IGF1R: variants seen among roughly 807,000 people sequenced by gnomAD.
The protein encoded by IGF1R is insulin like growth factor 1 receptor, also known as insulin-like growth factor 1 receptor.
Under a neutral mutation model 144.6 loss-of-function variants are expected in IGF1R, and 44 were observed. The observed-to-expected ratio is 0.30, with a 90% CI of 0.24 to 0.39. IGF1R has a LOEUF of 0.39. Ranked by LOEUF, IGF1R falls within the 10% of genes least tolerant of loss-of-function variation. IGF1R has a pLI of 1.00. For synonymous variants in IGF1R, 795 were observed against 722.8 expected (o/e 1.10, Z -1.60); for missense variants, 1,355 against 1,833.7 (o/e 0.74, Z 4.77).
chr15:98,922,049 T>C, intron 10 of IGF1R, 99 bp from the exon 11 acceptor site: 1 of 1,349,494 alleles, frequency 7.4e-7, no homozygotes, highest in South Asian at 1.2e-5. Flanking sequence ...TAGCTCCTTC[T>C]ATTCCACGGT....
chr15:98,803,649 G>A (rs945831050), intron 2 of IGF1R, among the ~76,000 whole-genome samples: 5 of 151,964 alleles, frequency 3.3e-5, no homozygotes, highest in African/African-American at 4.8e-5. Flanking sequence ...GGGACTAGAC[G>A]CACACACCAC....
At position 98,961,720 on chromosome 15, in the gene IGF1R, T is replaced by A; in HGVS notation, c.*4278T>A. The A allele has an allele frequency of 4.3e-6, 1 of 233,692 alleles. No homozygotes were observed. Among genetic ancestry groups the A allele is most frequent in the Non-Finnish European group, 8.5e-6 (1 of 118,048 alleles). The allele number at this position is 233,692 out of a possible 1,614,324, so 14.5% of individuals were successfully genotyped here. On this transcript the variant is annotated 3_prime_UTR_variant, in exon 21 of 21. Coordinates refer to ENST00000650285, the MANE Select transcript of IGF1R (RefSeq NM_000875.5). ...TGAGGCAGCAGGAGCTGGTGTGTAC[T>A]GGAGACACTGTTGAACTTGATCAAG...
intron 1 of IGF1R, among the ~76,000 whole-genome samples, chr15:98,695,985 G>A (rs373166280): frequency 1.3e-5 from 2 of 149,718 alleles, no homozygotes; most frequent in East Asian, 2.0e-4. Flanking sequence ...CCCTTACTAA[G>A]TCTCCCTTAG....
At position 98,916,075 on chromosome 15, in the gene IGF1R, G is replaced by A. The variant is rs1429988490; in HGVS notation, c.1940G>A (p.Arg647His). The A allele has an allele frequency of 2.5e-6, 4 of 1,614,020 alleles. No individual in the cohort carries two copies. Among genetic ancestry groups the A allele is most frequent in the African/African-American group, 1.3e-5 (1 of 74,890 alleles). Reference protein sequence around the residue: ...PNGNLSYYIVRWQRQPQDGYL... With the variant: ...PNGNLSYYIVHWQRQPQDGYL... ...GGCAACCTGAGTTACTACATTGTGCGCTGGCAGCGGCAGCCTCAGGACGGC... is the reference window on the plus strand; with the variant it reads ...GGCAACCTGAGTTACTACATTGTGCACTGGCAGCGGCAGCCTCAGGACGGC... The change falls in exon 9 of 21, where the codon CGC becomes CAC. Residue 647 changes from arginine (R) to histidine (H), a missense_variant. By Grantham distance (29) the Arg-to-His change is conservative. This residue lies in a region of IGF1R where 880 missense variants were observed against 1,202.7 expected (regional missense o/e 0.73). Coordinates refer to ENST00000650285, the MANE Select transcript of IGF1R (RefSeq NM_000875.5).
chr15:98,776,062 A>G (rs756835270), intron 2 of IGF1R, among the ~76,000 whole-genome samples: 6 of 152,202 alleles, frequency 3.9e-5, no homozygotes, highest in African/African-American at 7.2e-5. Flanking sequence ...TCCTTTAAGC[A>G]GCTTTTGACT....
chr15:98,678,758 A>G (rs2053111906), intron 1 of IGF1R, among the ~76,000 whole-genome samples: 1 of 152,068 alleles, frequency 6.6e-6, no homozygotes, highest in South Asian at 2.1e-4. Context: ...TACTGGGCTC[A>G]AGTGGTCCAC....
At chr15:98,669,997 C>T (rs2052847622) in intron 1 of IGF1R, among the ~76,000 whole-genome samples, 1 of 152,020 alleles carries the variant, frequency 6.6e-6, no homozygotes, top group Admixed American at 6.6e-5. Flanking sequence ...AGATCGGGGC[C>T]CCAGGGATGC....
intron 1 of IGF1R, among the ~76,000 whole-genome samples, chr15:98,698,576 A>G (rs985741139): frequency 1.3e-5 from 2 of 152,234 alleles, no homozygotes; most frequent in African/African-American, 4.8e-5. Context: ...TATTTCACTT[A>G]GCATAATGTC....
intron 7 of IGF1R, among the ~76,000 whole-genome samples, chr15:98,911,796 G>GTT (rs1199034442): frequency 2.5e-4 from 38 of 152,276 alleles, no homozygotes; most frequent in African/African-American, 8.9e-4. Flanking sequence ...CTGAAATATC[G>GTT]TTTCAGCCTC....
intron 1 of IGF1R, among the ~76,000 whole-genome samples, chr15:98,657,211 G>A (rs975241578): frequency 3.3e-5 from 5 of 152,158 alleles, no homozygotes; most frequent in Admixed American, 2.6e-4. Flanking sequence ...GAAGTCTAAT[G>A]GTAATTAGGG....
intron 1 of IGF1R, among the ~76,000 whole-genome samples, chr15:98,663,585 AG>A (rs1428772581): frequency 1.3e-5 from 2 of 152,214 alleles, no homozygotes; most frequent in Non-Finnish European, 2.9e-5. Context: ...AAACTGTTTC[AG>A]GTGAGCGCTG....
intron 2 of IGF1R, among the ~76,000 whole-genome samples, chr15:98,753,445 C>T (rs2055072345): frequency 7.7e-6 from 1 of 129,886 alleles, no homozygotes; most frequent in Admixed American, 9.0e-5. Context: ...GTTGCCCAGG[C>T]TTGTCTCGAA....
chr15:98,649,754 T>C, intron 1 of IGF1R, 79 bp downstream of exon 1: 1 of 1,110,506 alleles, frequency 9.0e-7, no homozygotes, highest in Non-Finnish European at 1.4e-6. Context: ...GAAACCCGAG[T>C]TGCCACCGTC....
At position 98,780,572 on chromosome 15, in the gene IGF1R, AAAAG is replaced by A. The variant is rs1420120817; in HGVS notation, c.640+72467_640+72470del. On this transcript the variant is annotated intron_variant, in intron 2 of 20. Transcript: ENST00000650285. Reference sequence around the variant, plus strand: ...CTCAAAAAAAAAAAAAAAAAAAAAAAAAAGAGAGAGAGAGTAAATAAAATTGTAA... The same window carrying A: ...CTCAAAAAAAAAAAAAAAAAAAAAAAAGAGAGAGAGTAAATAAAATTGTAA... Among the ~76,000 whole-genome samples, 32 of 78,506 alleles carry A rather than the reference AAAAG, an allele frequency of 4.1e-4. 1 individual carries two copies. Among genetic ancestry groups the A allele is most frequent in the African/African-American group, 1.2e-3 (32 of 26,346 alleles). 51.5% of individuals were successfully genotyped at this position (78,506 alleles called of 152,430 possible).
At chr15:98,848,890 A>C (rs1417743758) in intron 2 of IGF1R, among the ~76,000 whole-genome samples, 1 of 152,260 alleles carries the variant, frequency 6.6e-6, no homozygotes, top group Non-Finnish European at 1.5e-5. Flanking sequence ...AAAACACCTT[A>C]AGATAACCAT....
chr15:98,657,277 T>C (rs1253384828), intron 1 of IGF1R, among the ~76,000 whole-genome samples: 1 of 152,256 alleles, frequency 6.6e-6, no homozygotes, highest in African/African-American at 2.4e-5. Flanking sequence ...TTAGTGACCT[T>C]TGATAACTTC....
At chr15:98,706,982 T>C (rs2053879889) in intron 1 of IGF1R, among the ~76,000 whole-genome samples, 1 of 152,216 alleles carries the variant, frequency 6.6e-6, no homozygotes, top group Non-Finnish European at 1.5e-5. Flanking sequence ...AATGCACGTG[T>C]GGAGAGAACA....
chr15:98,796,982 C>T (rs1269558075), intron 2 of IGF1R, among the ~76,000 whole-genome samples: 1 of 152,152 alleles, frequency 6.6e-6, no homozygotes, highest in Non-Finnish European at 1.5e-5. Context: ...GGGTGCTGAG[C>T]CTGTTCCCCC....
chr15:98,820,902 G>A (rs1200042516), intron 2 of IGF1R: 1 of 152,178 alleles, frequency 6.6e-6, no homozygotes, highest in Non-Finnish European at 1.5e-5. Context: ...CAAGGCCCCA[G>A]TTCACGGAAG....
Sources: allele counts gnomAD v4.1 joint callset (sites outside exome capture counted in the v4.1 genomes callset), GRCh38; gene constraint gnomAD v4.1.1; regional missense constraint gnomAD v4.1.1; transcripts MANE v1.5; gene names NCBI Gene and HGNC (gene_info 2026-07-23, HGNC 2026-07-21).